Variants in HIP1 observed in about 807,000 individuals in gnomAD.
HIP1 encodes the protein huntingtin interacting protein 1, also known as huntingtin-interacting protein 1.
A neutral mutation model predicts 147.6 loss-of-function variants in HIP1; 65 were observed. That is an observed-to-expected ratio of 0.44 (90% confidence interval 0.36 to 0.54). The LOEUF (loss-of-function observed/expected upper bound fraction) is 0.54, where lower values mean the gene tolerates loss of function less well. Ranked by LOEUF, HIP1 falls within the 20% of genes least tolerant of loss-of-function variation. HIP1 has a pLI of 0.00. For missense variants in HIP1, 1,061 were observed against 1,299.6 expected (o/e 0.82, Z 2.82); for synonymous variants, 479 against 504.0 (o/e 0.95, Z 0.67).
rs1361862190 is a variant in HIP1 at position 75,577,050 on chromosome 7, G to A, written c.605-3149C>T. 2.0e-5 allele frequency among the ~76,000 whole-genome samples: 3 copies of A among 152,208 alleles called. No homozygotes were observed. In the East Asian group the frequency reaches 5.8e-4, roughly 29 times the overall value. Reference sequence around the variant, plus strand: ...TGCGGGTGCTTCTTAAAGCACAGGAGGCTGGGGTTGGTGGCTCATGCCTAT... The same window carrying A: ...TGCGGGTGCTTCTTAAAGCACAGGAAGCTGGGGTTGGTGGCTCATGCCTAT... On this transcript the variant is annotated intron_variant, in intron 7 of 30. Transcript: ENST00000336926.
At chr7:75,691,105 A>G (rs1800438664) in intron 1 of HIP1, among the ~76,000 whole-genome samples, 2 of 152,318 alleles carry the variant, frequency 1.3e-5, no homozygotes, top group African/African-American at 2.4e-5. Context: ...GTTCTGATAC[A>G]TGCTCCAGTG....
intron 23 of HIP1, 137 bp downstream of exon 23, chr7:75,548,754 G>A (rs2116769532): frequency 1.4e-6 from 1 of 717,052 alleles, no homozygotes; most frequent in Non-Finnish European, 2.5e-6. Context: ...ATGAGCCACT[G>A]TGCCTGGCAA....
chr7:75,538,013 A>G lies in HIP1; in HGVS notation c.*159T>C. 1.4e-6 allele frequency: 1 copy of G among 701,274 alleles called. No individual in the cohort carries two copies. Among genetic ancestry groups the G allele is most frequent in the Admixed American group, 2.1e-5 (1 of 47,560 alleles). 43.4% of individuals were successfully genotyped at this position (701,274 alleles called of 1,614,324 possible). On this transcript the variant is annotated 3_prime_UTR_variant, in exon 31 of 31. Coordinates refer to ENST00000336926, the MANE Select transcript of HIP1 (RefSeq NM_005338.7). ...CCAAACAGAAAGGGTGTCGCTATGG[A>G]GGGAGTCTTTGGAAGTGTCATGCAT...
intron 3 of HIP1, 44 bp from the exon 4 acceptor site, chr7:75,592,156 A>C (rs1563227447): frequency 6.3e-7 from 1 of 1,574,830 alleles, no homozygotes; most frequent in East Asian, 2.2e-5. Flanking sequence ...GGAGAAGGAA[A>C]GAAAGACAAA....
chr7:75,652,053 C>T (rs192518369), intron 1 of HIP1, among the ~76,000 whole-genome samples: 1 of 148,946 alleles, frequency 6.7e-6, no homozygotes, highest in Non-Finnish European at 1.5e-5. Flanking sequence ...TGGTGGCTCA[C>T]ACCTGGAATC....
At chr7:75,570,557 C>G (rs1424751405) in intron 8 of HIP1, among the ~76,000 whole-genome samples, 1 of 151,852 alleles carries the variant, frequency 6.6e-6, no homozygotes, top group Non-Finnish European at 1.5e-5. Flanking sequence ...TCCCAAAGTG[C>G]TGGGATTACA....
chr7:75,572,379 A>T (rs1205883165), intron 8 of HIP1, among the ~76,000 whole-genome samples: 1 of 152,200 alleles, frequency 6.6e-6, no homozygotes, highest in Non-Finnish European at 1.5e-5. Context: ...ATTTCTCCAT[A>T]AAATTCCATT....
chr7:75,580,038 G>T (rs889747218), intron 7 of HIP1, among the ~76,000 whole-genome samples: 2 of 152,178 alleles, frequency 1.3e-5, no homozygotes, highest in Non-Finnish European at 2.9e-5. Context: ...GAAGCATTAG[G>T]GGCTGATGGT....
At chr7:75,542,755 GAC>G in intron 28 of HIP1, 94 bp downstream of exon 28, 1 of 1,133,966 alleles carries the variant, frequency 8.8e-7, no homozygotes, top group East Asian at 2.4e-5. Context: ...AAAGAATTTA[GAC>G]ACAGTCCTGT....
chr7:75,737,650 G>A, intron 1 of HIP1, among the ~76,000 whole-genome samples: 1 of 152,124 alleles, frequency 6.6e-6, no homozygotes, highest in South Asian at 2.1e-4. Context: ...CCGGCCAAAA[G>A]CTCTATTCTT....
At chr7:75,589,372 C>A (rs1375945804) in intron 4 of HIP1, among the ~76,000 whole-genome samples, 1 of 151,766 alleles carries the variant, frequency 6.6e-6, no homozygotes, top group African/African-American at 2.4e-5. Context: ...ATGAGAAAGT[C>A]TGACACAGGT....
At chr7:75,589,683 C>CAA (rs1159535613) in intron 4 of HIP1, among the ~76,000 whole-genome samples, 915 of 49,656 alleles carry the variant, frequency 0.018, 88 homozygotes, top group African/African-American at 0.06. Context: ...ACTCTGTCTC[C>CAA]AAAAAAAAAA....
chr7:75,687,902 T>C (rs1800320079), intron 1 of HIP1, among the ~76,000 whole-genome samples: 1 of 152,012 alleles, frequency 6.6e-6, no homozygotes, highest in African/African-American at 2.4e-5. Flanking sequence ...CCTTTCCATG[T>C]GATGTTTTCA....
chr7:75,575,695 G>C (rs782355821), intron 7 of HIP1, among the ~76,000 whole-genome samples: 6 of 151,966 alleles, frequency 3.9e-5, no homozygotes, highest in African/African-American at 1.5e-4. Context: ...GCAACTGGCC[G>C]TCTGGCTGCA....
chr7:75,703,937 T>G (rs1554519430), intron 1 of HIP1, among the ~76,000 whole-genome samples: 1 of 152,064 alleles, frequency 6.6e-6, no homozygotes, highest in Non-Finnish European at 1.5e-5. Flanking sequence ...CCCGAAGCCT[T>G]TGGTGAAGAG....
chr7:75,604,347 G>T (rs782418184), intron 1 of HIP1, among the ~76,000 whole-genome samples: 1 of 152,178 alleles, frequency 6.6e-6, no homozygotes, highest in African/African-American at 2.4e-5. Flanking sequence ...AATATGGGCC[G>T]TGAGGAAGAG....
intron 1 of HIP1, among the ~76,000 whole-genome samples, chr7:75,608,412 G>T (rs1272361114): frequency 2.0e-5 from 3 of 152,200 alleles, no homozygotes; most frequent in African/African-American, 4.8e-5. Context: ...CTCTCTGGAT[G>T]CATTAAAAGG....
intron 4 of HIP1, among the ~76,000 whole-genome samples, chr7:75,588,407 T>C (rs1796360142): frequency 6.6e-6 from 1 of 152,052 alleles, no homozygotes; most frequent in Non-Finnish European, 1.5e-5. Flanking sequence ...ACAAAACATA[T>C]ATGAGATGAC....
At chr7:75,561,288 G>A (rs2116839888) in intron 13 of HIP1, 41 bp downstream of exon 13, 1 of 1,337,496 alleles carries the variant, frequency 7.5e-7, no homozygotes, top group Non-Finnish European at 1.1e-6. Flanking sequence ...AATCTACCGT[G>A]TTTTGGTGAA....
Sources: gnomAD v4.1 joint callset for allele counts (sites outside exome capture counted in the v4.1 genomes callset) on GRCh38, gnomAD v4.1.1 for gene constraint, MANE v1.5 for transcripts, NCBI Gene and HGNC (gene_info 2026-07-23, HGNC 2026-07-21) for gene names.